Variants in MYO1D observed in about 807,000 individuals in gnomAD.
MYO1D encodes myosin ID, also known as unconventional myosin-Id.
A neutral mutation model predicts 122.0 loss-of-function variants in MYO1D; 83 were observed. That is an observed-to-expected ratio of 0.68 (90% confidence interval 0.57 to 0.82). The LOEUF (loss-of-function observed/expected upper bound fraction) is 0.82. MYO1D is among the 40% of genes least tolerant of loss of function. MYO1D has a pLI of 0.00. For synonymous variants in MYO1D, 464 were observed against 446.9 expected (o/e 1.04, Z -0.48); for missense variants, 1,157 against 1,269.5 (o/e 0.91, Z 1.35).
At chr17:32,607,214 C>G (rs1198744725) in intron 20 of MYO1D, among the ~76,000 whole-genome samples, 3 of 151,952 alleles carry the variant, frequency 2.0e-5, no homozygotes, top group Non-Finnish European at 4.4e-5. Context: ...ACACATGTCT[C>G]TGTTTTCAGA....
In MYO1D at chr17:32,821,929, C is replaced by G. The variant is rs185556790; in HGVS notation, c.96-41145G>C. 2.4e-3 allele frequency among the ~76,000 whole-genome samples: 371 copies of G among 152,274 alleles called. 3 individuals carry two copies. Among genetic ancestry groups the G allele is most frequent in the African/African-American group, 8.6e-3 (358 of 41,562 alleles). On this transcript the variant is annotated intron_variant, in intron 1 of 21. Coordinates refer to ENST00000318217, the MANE Select transcript of MYO1D (RefSeq NM_015194.3). ...GAACACTTTTACACTGTTGATGGGACTGTAAACTAGTTCAACCATTGTGGA... is the reference window on the plus strand; with the variant it reads ...GAACACTTTTACACTGTTGATGGGAGTGTAAACTAGTTCAACCATTGTGGA...
intron 19 of MYO1D, among the ~76,000 whole-genome samples, chr17:32,644,295 C>T (rs564017696): frequency 1.3e-5 from 2 of 152,304 alleles, no homozygotes; most frequent in Non-Finnish European, 2.9e-5. Flanking sequence ...GTTATAATTT[C>T]TGTTCTTTTA....
intron 21 of MYO1D, among the ~76,000 whole-genome samples, chr17:32,584,430 TTAAC>T (rs534285913): frequency 9.8e-5 from 15 of 152,350 alleles, no homozygotes; most frequent in Admixed American, 8.5e-4. Flanking sequence ...TTTTACCATC[TTAAC>T]TATTTTCAAG....
intron 14 of MYO1D, among the ~76,000 whole-genome samples, chr17:32,731,655 C>A (rs1442528038): frequency 6.6e-6 from 1 of 152,208 alleles, no homozygotes; most frequent in Non-Finnish European, 1.5e-5. Context: ...GGGGGAGGTG[C>A]ATCTGGGGTT....
At position 32,776,047 on chromosome 17, in the gene MYO1D, GA is replaced by G; in HGVS notation, c.399-19del. The stretch of plus-strand genomic sequence containing the variant: ...TCTTCACTCTTTAACACAGATAAAT[GA>G]AAGTCATTATAAAAACTTATAGAGA... On this transcript the variant is annotated intron_variant, in intron 3 of 21. Coordinates refer to ENST00000318217, the MANE Select transcript of MYO1D (RefSeq NM_015194.3). 3 of 1,600,950 alleles carry G rather than the reference GA, an allele frequency of 1.9e-6. No individual in the cohort carries two copies. The highest frequency in any genetic ancestry group is 2.6e-6 in the Non-Finnish European group (3 of 1,175,940).
intron 19 of MYO1D, among the ~76,000 whole-genome samples, chr17:32,645,988 A>G (rs1425364051): frequency 2.0e-5 from 3 of 152,074 alleles, no homozygotes; most frequent in Non-Finnish European, 4.4e-5. Flanking sequence ...TCTGATTTTT[A>G]GAATTTTCAG....
intron 21 of MYO1D, chr17:32,529,819 CAG>C (rs1910454812): frequency 6.6e-6 from 1 of 152,234 alleles, no homozygotes; most frequent in Non-Finnish European, 1.5e-5. Flanking sequence ...TCTCCAGGGA[CAG>C]CGCTCCTCAC....
intron 21 of MYO1D, among the ~76,000 whole-genome samples, chr17:32,553,077 CA>C (rs200769034): frequency 0.066 from 7,006 of 105,674 alleles, 491 homozygotes; most frequent in African/African-American, 0.25. Context: ...TTCTCTAAGA[CA>C]AAAAAAAAAA....
At chr17:32,859,894 T>A (rs964301916) in intron 1 of MYO1D, among the ~76,000 whole-genome samples, 1 of 152,162 alleles carries the variant, frequency 6.6e-6, no homozygotes, top group Admixed American at 6.6e-5. Context: ...AGGTATCCAC[T>A]CCCTTCCATA....
At chr17:32,672,778 T>C (rs959923498) in intron 16 of MYO1D, among the ~76,000 whole-genome samples, 7 of 152,022 alleles carry the variant, frequency 4.6e-5, no homozygotes, top group African/African-American at 1.7e-4. Flanking sequence ...TCATAAAGTG[T>C]TGAATTGAGT....
intron 21 of MYO1D, among the ~76,000 whole-genome samples, chr17:32,525,891 C>T (rs1910324040): frequency 6.6e-6 from 1 of 152,208 alleles, no homozygotes; most frequent in African/African-American, 2.4e-5. Context: ...ACCTACCTGC[C>T]CTTCTCGCTA....
At chr17:32,740,951 C>T (rs993463209) in intron 13 of MYO1D, among the ~76,000 whole-genome samples, 23 of 152,066 alleles carry the variant, frequency 1.5e-4, no homozygotes, top group African/African-American at 2.4e-5. Context: ...AATGCTTGCT[C>T]CCTTCCTCCC....
At chr17:32,755,691 G>A in intron 10 of MYO1D, 29 bp from the exon 11 acceptor site, 1 of 1,595,250 alleles carries the variant, frequency 6.3e-7, no homozygotes. Flanking sequence ...AGGGAATTCT[G>A]AAGAGAACAG....
chr17:32,669,496 T>TAA (rs2088680573), intron 16 of MYO1D, among the ~76,000 whole-genome samples: 2 of 152,224 alleles, frequency 1.3e-5, no homozygotes, highest in Non-Finnish European at 2.9e-5. Context: ...ACCACTTCTT[T>TAA]AGGTTTTTCA....
intron 20 of MYO1D, among the ~76,000 whole-genome samples, chr17:32,613,767 G>T (rs1416925951): frequency 8.6e-6 from 1 of 115,694 alleles, no homozygotes; most frequent in African/African-American, 3.3e-5. Flanking sequence ...TCCAGCCTGG[G>T]CGACAGAGCA....
At chr17:32,780,057 C>T (rs2090219321) in intron 2 of MYO1D, among the ~76,000 whole-genome samples, 1 of 152,048 alleles carries the variant, frequency 6.6e-6, no homozygotes, top group Non-Finnish European at 1.5e-5. Flanking sequence ...AGTCCTCAAA[C>T]ATGTGAGGTG....
chr17:32,606,408 C>T (rs2087628884), intron 20 of MYO1D, among the ~76,000 whole-genome samples: 1 of 152,152 alleles, frequency 6.6e-6, no homozygotes, highest in Non-Finnish European at 1.5e-5. Context: ...AAACTACAAA[C>T]TGATATCCTT....
At chr17:32,536,032 G>GT (rs1000462375) in intron 21 of MYO1D, among the ~76,000 whole-genome samples, 6 of 150,276 alleles carry the variant, frequency 4.0e-5, no homozygotes, top group African/African-American at 9.8e-5. Flanking sequence ...TCTTTTTTTT[G>GT]TTTTTTGTTT....
At chr17:32,576,389 T>G (rs1267547716) in intron 21 of MYO1D, among the ~76,000 whole-genome samples, 8 of 152,166 alleles carry the variant, frequency 5.3e-5, no homozygotes, top group African/African-American at 1.2e-4. Flanking sequence ...TGAGGACAAT[T>G]GTGACTATCT....
Sources: gnomAD v4.1 joint callset for allele counts (sites outside exome capture counted in the v4.1 genomes callset) on GRCh38, gnomAD v4.1.1 for gene constraint, MANE v1.5 for transcripts, NCBI Gene and HGNC (gene_info 2026-07-23, HGNC 2026-07-21) for gene names.